Variants in MAST4 observed in about 807,000 individuals in gnomAD.
MAST4 encodes microtubule associated serine/threonine kinase family member 4.
Under a neutral mutation model 162.7 loss-of-function variants are expected in MAST4, and 89 were observed. The ratio of observed to expected loss-of-function variants is 0.55; its 90% CI spans 0.46 to 0.65. The LOEUF is 0.65. MAST4 is among the 30% of genes least tolerant of loss of function. The pLI is 0.00. For synonymous variants in MAST4, 1,479 were observed against 1,361.1 expected, an observed-to-expected ratio of 1.09 and a Z score of -1.91; for missense variants, 3,153 against 3,374.0, an observed-to-expected ratio of 0.93 and a Z score of 1.62.
chr5:66,984,098 T>A (rs1749181189), intron 4 of MAST4, among the ~76,000 whole-genome samples: 1 of 152,096 alleles, frequency 6.6e-6, no homozygotes, highest in African/African-American at 2.4e-5. Flanking sequence ...TATATCCCAG[T>A]GGGGTGCAGG....
intron 1 of MAST4, among the ~76,000 whole-genome samples, chr5:66,661,329 G>T (rs980287224): frequency 6.6e-6 from 1 of 152,122 alleles, no homozygotes; most frequent in Non-Finnish European, 1.5e-5. Context: ...TCTAGTAATT[G>T]CATCTGCCTT....
At chr5:67,131,762 C>T (rs200410312) in intron 15 of MAST4, 51 bp from the exon 16 acceptor site, 214 of 1,586,142 alleles carry the variant, frequency 1.3e-4, no homozygotes, top group Middle Eastern at 1.8e-4. Flanking sequence ...AACTGATTTT[C>T]TACATTAAGC....
intron 4 of MAST4, among the ~76,000 whole-genome samples, chr5:66,915,266 C>CA (rs70987147): frequency 0.22 from 18,180 of 83,236 alleles, 1,661 homozygotes; most frequent in Admixed American, 0.26. Flanking sequence ...ACTCTTGTCT[C>CA]AAAAAAAAAA....
At position 67,164,352 on chromosome 5, in the gene MAST4, C is replaced by A. The variant is rs1561202735; in HGVS notation, c.5173C>A (p.Pro1725Thr). The change falls in exon 29 of 29, where the codon CCC becomes ACC. Residue 1725 changes from proline (P) to threonine (T), a missense_variant. Pro to Thr is a conservative substitution (Grantham distance 38, BLOSUM62 -1). Coordinates refer to ENST00000403625, the MANE Select transcript of MAST4 (RefSeq NM_001164664.2). The surrounding 1 kb of genome is among the most constrained non-coding windows in gnomAD (Gnocchi z 5.3). ...ATGCCTGCCAGGGAACCCAGTCCGA[C>A]CCACGGGTGGGCAGCAGGAGCCCCC... is the stretch of plus-strand genomic sequence containing the variant. Reference protein sequence around the residue: ...HECLPGNPVRPTGGQQEPPPA... With the variant: ...HECLPGNPVRTTGGQQEPPPA... 1.2e-6 allele frequency: 2 copies of A among 1,613,978 alleles called. No individual in the cohort carries two copies. The highest frequency in any genetic ancestry group is 2.2e-5 in the South Asian group (2 of 91,084).
intron 4 of MAST4, among the ~76,000 whole-genome samples, chr5:66,990,528 A>G (rs189859030): frequency 6.6e-6 from 1 of 152,292 alleles, no homozygotes; most frequent in Admixed American, 6.5e-5. Context: ...GGTGCCAGCT[A>G]CCAAAGAGGG....
intron 1 of MAST4, among the ~76,000 whole-genome samples, chr5:66,665,325 CTA>C (rs202112343): frequency 0.028 from 4,243 of 152,198 alleles, 92 homozygotes; most frequent in Middle Eastern, 0.065. Flanking sequence ...ATGCCATGTG[CTA>C]TGTCTTTTAG....
In MAST4 at chr5:67,168,047, A is replaced by C. The variant is rs1213343437; in HGVS notation, c.*996A>C. On this transcript the variant is annotated 3_prime_UTR_variant, in exon 29 of 29. Coordinates refer to ENST00000403625, the MANE Select transcript of MAST4 (RefSeq NM_001164664.2). ...AGCCCTGCTCTTGAATAAAAAGGAA[A>C]ATTACTGGCTGCACCCAAATCTTCT... 1 of 152,226 alleles carries C rather than the reference A, an allele frequency of 6.6e-6. No homozygotes were observed. The highest frequency in any genetic ancestry group is 1.5e-5 in the Non-Finnish European group (1 of 68,050). The allele number at this position is 152,226 out of a possible 1,614,324, so 9.4% of individuals were successfully genotyped here.
At position 67,166,535 on chromosome 5, in the gene MAST4, G is replaced by A. The variant is rs1296018372; in HGVS notation, c.7356G>A (p.Thr2452=). The A allele has an allele frequency of 3.7e-6, 6 of 1,607,084 alleles. No homozygotes were observed. The highest frequency in any genetic ancestry group is 5.1e-6 in the Non-Finnish European group (6 of 1,176,954). ...SATGQSSFRS[T]ALPEKSLSCS... Reference sequence around the variant, plus strand: ...CTGGGCAGAGTTCTTTCCGATCCACGGCCCTCCCGGAAAAGTCTCTGAGCT... The same window carrying A: ...CTGGGCAGAGTTCTTTCCGATCCACAGCCCTCCCGGAAAAGTCTCTGAGCT... The change falls in exon 29 of 29, where the codon ACG becomes ACA. Residue 2452 remains threonine, a synonymous_variant. Transcript: ENST00000403625.
rs371124235 is a variant in MAST4, at chr5:66,940,459, A to G, written c.674+40477A>G. On this transcript the variant is annotated intron_variant, in intron 4 of 28. Coordinates refer to ENST00000403625, the MANE Select transcript of MAST4 (RefSeq NM_001164664.2). ...ATTGCTTTATCAACTAAGTTTGTGT[A>G]ATATTCTAAATCCTTTGGTTTTATT... Among the ~76,000 whole-genome samples the G allele has an allele frequency of 2.0e-4, 31 of 152,282 alleles. No individual in the cohort carries two copies. The East Asian group carries it at 4.8e-3, about 24-fold the overall frequency.
chr5:66,887,737 C>T (rs1307726572), intron 3 of MAST4, among the ~76,000 whole-genome samples: 3 of 152,180 alleles, frequency 2.0e-5, no homozygotes, highest in African/African-American at 7.2e-5. Flanking sequence ...GAGAAAATGT[C>T]CCTTTCAAGA....
intron 4 of MAST4, among the ~76,000 whole-genome samples, chr5:66,910,340 A>G (rs189806113): frequency 7.0e-4 from 107 of 152,344 alleles, no homozygotes; most frequent in Non-Finnish European, 1.0e-3. Flanking sequence ...TAATGGTCCC[A>G]GCTGCAGTAA....
At chr5:67,037,079 G>A (rs1204191785) in intron 4 of MAST4, among the ~76,000 whole-genome samples, 5 of 152,122 alleles carry the variant, frequency 3.3e-5, no homozygotes, top group African/African-American at 1.2e-4. Context: ...TTAATTCCAG[G>A]GTGGTTGTTG....
At chr5:67,024,481 A>ATG (rs1754400364) in intron 4 of MAST4, among the ~76,000 whole-genome samples, 1 of 151,018 alleles carries the variant, frequency 6.6e-6, no homozygotes. Context: ...ATATATAGAT[A>ATG]TATACATATC....
chr5:66,648,034 A>ATGTGTGTGTGTG (rs745965169), intron 1 of MAST4, among the ~76,000 whole-genome samples: 4 of 118,988 alleles, frequency 3.4e-5, no homozygotes, highest in Non-Finnish European at 3.4e-5. Flanking sequence ...GTGTTAGGTA[A>ATGTGTGTGTGTG]TGTGTGTGTG....
At chr5:66,994,927 G>T (rs1381049040) in intron 4 of MAST4, among the ~76,000 whole-genome samples, 1 of 152,166 alleles carries the variant, frequency 6.6e-6, no homozygotes, top group Non-Finnish European at 1.5e-5. Context: ...CAACATGACA[G>T]AGGGAAGCAG....
chr5:66,759,687 G>A, intron 1 of MAST4, 22 bp from the exon 2 acceptor site: 1 of 1,612,968 alleles, frequency 6.2e-7, no homozygotes, highest in Non-Finnish European at 8.5e-7. Context: ...AGCCAGTGAT[G>A]CCATTCTTCC....
At chr5:66,883,796 A>G (rs1191005056) in intron 3 of MAST4, among the ~76,000 whole-genome samples, 1 of 152,146 alleles carries the variant, frequency 6.6e-6, no homozygotes, top group Non-Finnish European at 1.5e-5. Context: ...CTGCAGGCCT[A>G]CCTATGGTAT....
chr5:66,990,316 G>C (rs1407435169), intron 4 of MAST4, among the ~76,000 whole-genome samples: 1 of 152,244 alleles, frequency 6.6e-6, no homozygotes, highest in East Asian at 1.9e-4. Flanking sequence ...CAAGATCACA[G>C]AACTAGAAAC....
chr5:66,649,633 A>G (rs1434838081), intron 1 of MAST4, among the ~76,000 whole-genome samples: 2 of 152,172 alleles, frequency 1.3e-5, no homozygotes, highest in East Asian at 3.9e-4. Flanking sequence ...CCCTGGTCCC[A>G]TGAACTGGGT....
Sources: allele counts gnomAD v4.1 joint callset (sites outside exome capture counted in the v4.1 genomes callset), GRCh38; gene constraint gnomAD v4.1.1; non-coding constraint Gnocchi (gnomAD v3.1); transcripts MANE v1.5; gene names NCBI Gene and HGNC (gene_info 2026-07-23, HGNC 2026-07-21).